RAF1: variants seen among roughly 807,000 people sequenced by gnomAD.
RAF1 encodes RAF proto-oncogene serine/threonine-protein kinase.
In RAF1, 27 loss-of-function variants were observed where a neutral mutation model predicts 81.1. The ratio of observed to expected loss-of-function variants is 0.33; its 90% CI spans 0.25 to 0.46. RAF1 has a LOEUF of 0.46. Ranked by LOEUF, RAF1 falls within the 20% of genes least tolerant of loss-of-function variation. The pLI is 1.00. For missense variants in RAF1, 598 were observed against 826.0 expected (o/e 0.72, Z 3.38); for synonymous variants, 298 against 294.0 (o/e 1.01, Z -0.14).
intron 8 of RAF1, among the ~76,000 whole-genome samples, chr3:12,603,278 TACA>T (rs2058920033): frequency 6.6e-6 from 1 of 152,090 alleles, no homozygotes; most frequent in Non-Finnish European, 1.5e-5. Flanking sequence ...CAATACCACA[TACA>T]ACATTTTTTT....
At chr3:12,588,807 C>G (rs1454985464) in intron 13 of RAF1, 1 of 152,188 alleles carries the variant, frequency 6.6e-6, no homozygotes, top group African/African-American at 2.4e-5. Context: ...CTCCAAATCT[C>G]AAGTTGAAAT....
chr3:12,587,753 C>T (rs1238878070), intron 13 of RAF1, 116 bp from the exon 13 acceptor site: 2 of 835,748 alleles, frequency 2.4e-6, no homozygotes, highest in Non-Finnish European at 4.1e-6. Flanking sequence ...GAGTGTTACA[C>T]ACAGGGATAG....
intron 1 of RAF1, among the ~76,000 whole-genome samples, chr3:12,635,827 G>A (rs1303271980): frequency 2.0e-5 from 3 of 151,314 alleles, no homozygotes; most frequent in African/African-American, 7.3e-5. Context: ...CAAAAAATTA[G>A]CCAGGCGTGG....
At chr3:12,604,500 A>G (rs1385485900) in intron 6 of RAF1, among the ~76,000 whole-genome samples, 1 of 152,214 alleles carries the variant, frequency 6.6e-6, no homozygotes, top group Admixed American at 6.5e-5. Flanking sequence ...AGGAAATAAT[A>G]TATGTATTGG....
intron 1 of RAF1, among the ~76,000 whole-genome samples, chr3:12,645,696 T>C (rs1322260040): frequency 2.6e-5 from 4 of 152,050 alleles, no homozygotes; most frequent in East Asian, 3.9e-4. Context: ...TCTAGAAGAG[T>C]TCCTAATTAT....
chr3:12,603,064 AT>A (rs1188569310), intron 8 of RAF1, among the ~76,000 whole-genome samples: 6 of 152,186 alleles, frequency 3.9e-5, no homozygotes, highest in African/African-American at 1.4e-4. Flanking sequence ...CTAACTTAAC[AT>A]TTTTTGTTTG....
At chr3:12,659,160 G>A (rs2060793544) in intron 1 of RAF1, among the ~76,000 whole-genome samples, 1 of 152,016 alleles carries the variant, frequency 6.6e-6, no homozygotes, top group African/African-American at 2.4e-5. Context: ...CAAGATGCCT[G>A]AGCGAGCCTG....
chr3:12,637,059 C>A (rs926855432), intron 1 of RAF1, among the ~76,000 whole-genome samples: 2 of 152,002 alleles, frequency 1.3e-5, no homozygotes, highest in African/African-American at 4.8e-5. Context: ...TATAAAGTAC[C>A]TAATTTAGAG....
intron 1 of RAF1, among the ~76,000 whole-genome samples, chr3:12,623,822 G>C (rs1250846770): frequency 1.4e-5 from 2 of 146,632 alleles, no homozygotes; most frequent in Non-Finnish European, 3.0e-5. Flanking sequence ...AAAAAAAAGA[G>C]GCAGGCTAAG....
rs1370684356 is a variant in RAF1 at position 12,598,738 on chromosome 3, A to AC, written c.1168+952_1168+953insG. On this transcript the variant is annotated intron_variant, in intron 11 of 17. Coordinates refer to ENST00000442415, the MANE Select transcript of RAF1 (RefSeq NM_001354689.3). ...AAGAATCTATCTCAAAAAAAAAAAAAAAAAAAAAAAAAAAACCACCAAGTA... is the reference window on the plus strand; with the variant it reads ...AAGAATCTATCTCAAAAAAAAAAAAACAAAAAAAAAAAAAAACCACCAAGTA... Among the ~76,000 whole-genome samples, 619 of 148,698 alleles carry AC rather than the reference A, an allele frequency of 4.2e-3. 8 individuals are homozygous for AC. Among genetic ancestry groups the AC allele is most frequent in the African/African-American group, 0.014 (576 of 40,464 alleles).
At chr3:12,604,106 G>T (rs1408871969) in intron 7 of RAF1, 30 bp downstream of exon 7, 2 of 1,613,110 alleles carry the variant, frequency 1.2e-6, no homozygotes, top group South Asian at 2.2e-5. Context: ...TTAATTGACT[G>T]ACATTACCAC....
intron 1 of RAF1, among the ~76,000 whole-genome samples, chr3:12,635,766 G>C (rs947953026): frequency 2.6e-5 from 4 of 151,772 alleles, no homozygotes; most frequent in African/African-American, 7.3e-5. Context: ...AAGGTCAGGA[G>C]ATTGAGACCA....
chr3:12,659,426 T>C (rs1187772432), intron 1 of RAF1, among the ~76,000 whole-genome samples: 1 of 5,370 alleles, frequency 1.9e-4, no homozygotes, highest in African/African-American at 1.4e-3. Flanking sequence ...AGATTTCATC[T>C]CAAAAAAAAA....
At chr3:12,604,388 ACT>A in intron 6 of RAF1, 99 bp from the exon 7 acceptor site, 2 of 1,231,562 alleles carry the variant, frequency 1.6e-6, no homozygotes, top group South Asian at 1.3e-5. Flanking sequence ...TTAAGGGCAA[ACT>A]CTACCTGTAC....
chr3:12,632,008 T>C (rs1559465090), intron 1 of RAF1, among the ~76,000 whole-genome samples: 1 of 152,276 alleles, frequency 6.6e-6, no homozygotes, highest in East Asian at 1.9e-4. Context: ...CTCCTTCAAA[T>C]TTAATTTTAA....
At chr3:12,634,888 CCA>C (rs2059971956) in intron 1 of RAF1, among the ~76,000 whole-genome samples, 1 of 152,086 alleles carries the variant, frequency 6.6e-6, no homozygotes, top group African/African-American at 2.4e-5. Context: ...TAGTATAGCA[CCA>C]CAGTGTTTCC....
chr3:12,650,969 A>C (rs1332962895), intron 1 of RAF1, among the ~76,000 whole-genome samples: 1 of 152,234 alleles, frequency 6.6e-6, no homozygotes, highest in African/African-American at 2.4e-5. Flanking sequence ...GAGGTAAAAC[A>C]AAAGCTAAAG....
At chr3:12,652,011 A>AAAATAAATAAATAAAT (rs58806427) in intron 1 of RAF1, among the ~76,000 whole-genome samples, 6 of 136,648 alleles carry the variant, frequency 4.4e-5, no homozygotes, top group East Asian at 2.1e-4. Context: ...CTCCATCTCT[A>AAAATAAATAAATAAAT]AAATAAATAA....
intron 2 of RAF1, among the ~76,000 whole-genome samples, chr3:12,616,620 G>A (rs2059376165): frequency 6.6e-6 from 1 of 152,088 alleles, no homozygotes; most frequent in South Asian, 2.1e-4. Context: ...CTACACTTGG[G>A]AGGCTCCTTA....
Sources: gnomAD v4.1 joint callset for allele counts (sites outside exome capture counted in the v4.1 genomes callset) on GRCh38, gnomAD v4.1.1 for gene constraint, MANE v1.5 for transcripts, NCBI Gene and HGNC (gene_info 2026-07-23, HGNC 2026-07-21) for gene names.